The following LRFN2 variants were observed in gnomAD, a reference collection of about 807,000 sequenced individuals.
The protein encoded by LRFN2 is leucine rich repeat and fibronectin type III domain containing 2.
In LRFN2, 18 loss-of-function variants were observed where a neutral mutation model predicts 37.3. That is an observed-to-expected ratio of 0.48 (90% confidence interval 0.33 to 0.72). LRFN2 has a LOEUF of 0.72. Among genes scored for constraint, LRFN2 ranks in the 30% least tolerant of loss-of-function variants. LRFN2 has a pLI of 0.02. For synonymous variants in LRFN2, 556 were observed against 466.6 expected (o/e 1.19, Z -2.47); for missense variants, 1,006 against 1,060.7 (o/e 0.95, Z 0.72).
intron 1 of LRFN2, among the ~76,000 whole-genome samples, chr6:40,544,916 T>C (rs61541702): frequency 0.021 from 3,189 of 152,268 alleles, 109 homozygotes; most frequent in African/African-American, 0.07. Flanking sequence ...GCTGTGATGA[T>C]TAGGATAATG....
chr6:40,543,960 A>G (rs1264485881), intron 1 of LRFN2, among the ~76,000 whole-genome samples: 1 of 152,196 alleles, frequency 6.6e-6, no homozygotes, highest in Non-Finnish European at 1.5e-5. Flanking sequence ...TCCTAGTCAT[A>G]TCTTGGGGAA....
chr6:40,543,250 T>C (rs1054520830), intron 1 of LRFN2, among the ~76,000 whole-genome samples: 1 of 152,234 alleles, frequency 6.6e-6, no homozygotes, highest in Non-Finnish European at 1.5e-5. Context: ...TCTCTTTCTC[T>C]CTCATTCTGG....
chr6:40,535,881 G>A (rs780702133), intron 1 of LRFN2, among the ~76,000 whole-genome samples: 13 of 152,152 alleles, frequency 8.5e-5, no homozygotes, highest in South Asian at 6.2e-4. Flanking sequence ...AAAATAATTC[G>A]ATTAGGGAAA....
chr6:40,493,845 C>T (rs1765156440), intron 1 of LRFN2, among the ~76,000 whole-genome samples: 1 of 152,346 alleles, frequency 6.6e-6, no homozygotes, highest in East Asian at 1.9e-4. Context: ...GGACCAGTCT[C>T]AGGTTACAAT....
intron 1 of LRFN2, among the ~76,000 whole-genome samples, chr6:40,467,164 T>C (rs1466413894): frequency 1.0e-5 from 1 of 97,008 alleles, no homozygotes; most frequent in South Asian, 4.4e-4. Context: ...GAAAGTTGAA[T>C]GAGATGATGA....
intron 1 of LRFN2, among the ~76,000 whole-genome samples, chr6:40,579,201 G>A (rs1424718947): frequency 6.6e-6 from 1 of 152,162 alleles, no homozygotes; most frequent in African/African-American, 2.4e-5. Context: ...AGCCCTTATT[G>A]TCATGTGCTT....
intron 1 of LRFN2, among the ~76,000 whole-genome samples, chr6:40,528,360 G>T (rs935611660): frequency 6.6e-6 from 1 of 152,232 alleles, no homozygotes; most frequent in African/African-American, 2.4e-5. Context: ...ACTCAACAGA[G>T]TCGCTCAATG....
At chr6:40,471,363 C>A (rs997196551) in intron 1 of LRFN2, among the ~76,000 whole-genome samples, 4 of 152,172 alleles carry the variant, frequency 2.6e-5, no homozygotes, top group African/African-American at 9.7e-5. Flanking sequence ...TGTGTTCAAG[C>A]AAAGGCTAGG....
At chr6:40,506,006 G>A (rs1280725690) in intron 1 of LRFN2, among the ~76,000 whole-genome samples, 1 of 152,234 alleles carries the variant, frequency 6.6e-6, no homozygotes, top group East Asian at 1.9e-4. Context: ...CCTGCAGGCT[G>A]GGCCTGAGCT....
chr6:40,496,499 C>A (rs1253524195), intron 1 of LRFN2, among the ~76,000 whole-genome samples: 3 of 152,058 alleles, frequency 2.0e-5, no homozygotes, highest in Admixed American at 2.0e-4. Flanking sequence ...CTCAGACACC[C>A]TGGACTCAGC....
chr6:40,496,068 C>G (rs539304790), intron 1 of LRFN2, among the ~76,000 whole-genome samples: 1 of 152,142 alleles, frequency 6.6e-6, no homozygotes, highest in African/African-American at 2.4e-5. Flanking sequence ...TCCACCCATC[C>G]AGATGCTCAA....
At chr6:40,463,295 C>G (rs1764385507) in intron 1 of LRFN2, among the ~76,000 whole-genome samples, 1 of 152,186 alleles carries the variant, frequency 6.6e-6, no homozygotes, top group South Asian at 2.1e-4. Flanking sequence ...TTGGATATCT[C>G]TCTACCTCTG....
At chr6:40,525,911 T>G (rs74488391) in intron 1 of LRFN2, among the ~76,000 whole-genome samples, 1 of 152,106 alleles carries the variant, frequency 6.6e-6, no homozygotes, top group East Asian at 1.9e-4. Context: ...TGTGCTGAAA[T>G]GAACCCCCCT....
rs1232073051 is a variant in LRFN2, at chr6:40,432,552, T to C, written c.562A>G (p.Ile188Val). ...LSLDHNLLDH[I>V]AEGTFADLQK... Reference sequence around the variant, plus strand: ...AGGTCTGCAAAGGTGCCCTCGGCGATGTGATCCAGCAGGTTGTGGTCCAGG... The same window carrying C: ...AGGTCTGCAAAGGTGCCCTCGGCGACGTGATCCAGCAGGTTGTGGTCCAGG... The change falls in exon 2 of 3, where the codon ATC becomes GTC. Residue 188 changes from isoleucine (I) to valine (V), a missense_variant. By Grantham distance (29) the Ile-to-Val change is conservative. Transcript: ENST00000338305. The C allele has an allele frequency of 6.2e-7, 1 of 1,614,230 alleles. No individual in the cohort carries two copies.
At chr6:40,554,949 G>A (rs906950195) in intron 1 of LRFN2, among the ~76,000 whole-genome samples, 3 of 152,208 alleles carry the variant, frequency 2.0e-5, no homozygotes, top group African/African-American at 7.2e-5. Context: ...TTTTAATAAT[G>A]TATAATTAGT....
intron 1 of LRFN2, among the ~76,000 whole-genome samples, chr6:40,497,916 C>T (rs1007869878): frequency 2.0e-5 from 3 of 152,142 alleles, no homozygotes; most frequent in South Asian, 4.1e-4. Flanking sequence ...CAGGCTACAA[C>T]AGCTATTTAT....
At chr6:40,399,314 GC>G (rs1160699640) in intron 2 of LRFN2, among the ~76,000 whole-genome samples, 1 of 151,224 alleles carries the variant, frequency 6.6e-6, no homozygotes, top group Non-Finnish European at 1.5e-5. Flanking sequence ...TCACTGTCCT[GC>G]CCCCCACCCA....
rs66745321 is a variant in LRFN2 at position 40,463,670 on chromosome 6, ATT to A, written c.-18-30541_-18-30540del. 5.9e-3 allele frequency among the ~76,000 whole-genome samples: 449 copies of A among 76,518 alleles called. 1 individual carries two copies. The highest frequency in any genetic ancestry group is 0.013 in the East Asian group (30 of 2,320). 50.2% of individuals were successfully genotyped at this position (76,518 alleles called of 152,430 possible). A position where few individuals can be genotyped will look rare whatever the true frequency, so the allele number is the denominator to read the frequency against. The stretch of plus-strand genomic sequence containing the variant: ...TACATCATACTATTTCTTTCTTTCT[ATT>A]TTTTTTTTTTTTTTTTTTTTTTGAG... On this transcript the variant is annotated intron_variant, in intron 1 of 2. Transcript: ENST00000338305.
intron 1 of LRFN2, among the ~76,000 whole-genome samples, chr6:40,586,528 C>T (rs560306216): frequency 1.1e-3 from 160 of 152,208 alleles, no homozygotes; most frequent in African/African-American, 3.8e-3. Context: ...GAGTCCCCGG[C>T]GCCCCCACCT....
Sources: gnomAD v4.1 joint callset for allele counts (sites outside exome capture counted in the v4.1 genomes callset) on GRCh38, gnomAD v4.1.1 for gene constraint, MANE v1.5 for transcripts, NCBI Gene and HGNC (gene_info 2026-07-23, HGNC 2026-07-21) for gene names.